WWOX: variants seen among roughly 807,000 people sequenced by gnomAD.
WWOX encodes WW domain containing oxidoreductase.
WWOX carries 69 observed loss-of-function variants against 46.2 expected under a neutral mutation model. The ratio of observed to expected loss-of-function variants is 1.49; its 90% CI spans 1.23 to 1.82. The LOEUF (loss-of-function observed/expected upper bound fraction) is 1.82, where lower values mean the gene tolerates loss of function less well. Ranked by LOEUF, WWOX falls within the 40% of genes most tolerant of loss-of-function variation. WWOX has a pLI of 0.00. For missense variants in WWOX, 919 were observed against 542.6 expected (o/e 1.69, Z -6.89); for synonymous variants, 359 against 202.6 (o/e 1.77, Z -6.56).
chr16:78,234,802 C>A (rs796772364), intron 5 of WWOX, among the ~76,000 whole-genome samples: 63 of 148,650 alleles, frequency 4.2e-4, no homozygotes, highest in African/African-American at 1.5e-3. Flanking sequence ...AAAAAAACAA[C>A]AAAAAAAAAC....
chr16:78,594,429 G>GCGCCCCCCC (rs2045429261), intron 8 of WWOX, among the ~76,000 whole-genome samples: 1 of 32,380 alleles, frequency 3.1e-5, no homozygotes. Flanking sequence ...CTGAGGAAAG[G>GCGCCCCCCC]CCCCCCCCCC....
intron 8 of WWOX, among the ~76,000 whole-genome samples, chr16:79,191,672 C>G (rs2051139546): frequency 6.6e-6 from 1 of 152,168 alleles, no homozygotes. Context: ...ACTAGAGAAG[C>G]ACCAAATAGG....
At position 78,130,299 on chromosome 16, in the gene WWOX, A is replaced by C. The variant is rs1324792587; in HGVS notation, c.409+15145A>C. 2.0e-5 allele frequency among the ~76,000 whole-genome samples: 3 copies of C among 152,150 alleles called. No individual in the cohort carries two copies. In the South Asian group the frequency reaches 6.2e-4, roughly 32 times the overall value. ...GTAAGATTTGTGCCCTGATGAGAAG[A>C]GGATAGAAAGGTAGCTAACTTTCCT... is the stretch of plus-strand genomic sequence containing the variant. On this transcript the variant is annotated intron_variant, in intron 4 of 8. Coordinates refer to ENST00000566780, the MANE Select transcript of WWOX (RefSeq NM_016373.4).
chr16:79,045,664 A>G (rs139343983), intron 8 of WWOX, among the ~76,000 whole-genome samples: 77 of 152,178 alleles, frequency 5.1e-4, no homozygotes, highest in Non-Finnish European at 9.7e-4. Flanking sequence ...TCTTGGCTCA[A>G]TCACTTACTA....
At chr16:78,102,263 A>G (rs2031848771) in intron 1 of WWOX, among the ~76,000 whole-genome samples, 1 of 152,014 alleles carries the variant, frequency 6.6e-6, no homozygotes, top group Admixed American at 6.6e-5. Flanking sequence ...AGGGCAGTCT[A>G]GGTAGAGGGA....
At chr16:78,662,292 A>T (rs370523099) in intron 8 of WWOX, among the ~76,000 whole-genome samples, 3 of 152,328 alleles carry the variant, frequency 2.0e-5, no homozygotes, top group Admixed American at 6.5e-5. Flanking sequence ...AGGCAAGGTC[A>T]CCAGGATTCA....
At chr16:78,618,634 A>T (rs376219192) in intron 8 of WWOX, among the ~76,000 whole-genome samples, 1 of 152,190 alleles carries the variant, frequency 6.6e-6, no homozygotes, top group Admixed American at 6.5e-5. Context: ...TCTGGGACAC[A>T]GTACGCTCTC....
At chr16:78,789,911 T>C (rs1030671784) in intron 8 of WWOX, among the ~76,000 whole-genome samples, 1 of 152,156 alleles carries the variant, frequency 6.6e-6, no homozygotes, top group African/African-American at 2.4e-5. Flanking sequence ...AAACTTAAAC[T>C]CCAATTCTGC....
At chr16:78,794,643 C>T (rs1017530044) in intron 8 of WWOX, among the ~76,000 whole-genome samples, 11 of 152,230 alleles carry the variant, frequency 7.2e-5, no homozygotes, top group African/African-American at 2.7e-4. Flanking sequence ...TGACACATAG[C>T]AAGACCTTGG....
In WWOX at chr16:78,788,652, C is replaced by G. The variant is rs953692124; in HGVS notation, c.1056+355900C>G. ...TTTCATCTCTGTCCTTAGTACTGTC[C>G]TTTATAATAAAGCAGTAAGGGGTAG... On this transcript the variant is annotated intron_variant, in intron 8 of 8. Transcript: ENST00000566780. 1.1e-4 allele frequency among the ~76,000 whole-genome samples: 16 copies of G among 152,348 alleles called. 1 individual carries two copies. The highest frequency in any genetic ancestry group is 9.1e-4 in the Admixed American group (14 of 15,308).
intron 8 of WWOX, among the ~76,000 whole-genome samples, chr16:78,827,024 G>A (rs975167772): frequency 6.6e-6 from 1 of 152,054 alleles, no homozygotes; most frequent in Non-Finnish European, 1.5e-5. Flanking sequence ...TCGCTTTCCT[G>A]CCCCCACATG....
At position 78,257,262 on chromosome 16, in the gene WWOX, G is replaced by A. The variant is rs114601482; in HGVS notation, c.516+92973G>A. ...CATGTATGTTTCTCTTATGTAGGAA[G>A]GGGAAATAAGGCCATGAGATTGCAT... is the stretch of plus-strand genomic sequence containing the variant. On this transcript the variant is annotated intron_variant, in intron 5 of 8. Transcript: ENST00000566780. Among the ~76,000 whole-genome samples, 726 of 152,262 alleles carry A rather than the reference G, an allele frequency of 4.8e-3. 6 individuals carry two copies. The highest frequency in any genetic ancestry group is 0.017 in the African/African-American group (693 of 41,546).
At chr16:78,422,684 T>TATATATATATACAG (rs1263877025) in intron 6 of WWOX, among the ~76,000 whole-genome samples, 1 of 52,970 alleles carries the variant, frequency 1.9e-5, no homozygotes, top group Non-Finnish European at 3.3e-5. Context: ...TATATATATA[T>TATATATATATACAG]ACACACACAC....
chr16:78,741,377 C>G (rs1186067652), intron 8 of WWOX, among the ~76,000 whole-genome samples: 1 of 150,924 alleles, frequency 6.6e-6, no homozygotes, highest in Admixed American at 6.6e-5. Context: ...CCGGGCCAAC[C>G]TGGTGAGATC....
At chr16:79,077,913 G>A (rs1396770643) in intron 8 of WWOX, 1 of 152,146 alleles carries the variant, frequency 6.6e-6, no homozygotes, top group Non-Finnish European at 1.5e-5. Context: ...GTGGACGCCT[G>A]TGGGGTTGGT....
chr16:78,473,717 A>G (rs1352233021), intron 8 of WWOX, among the ~76,000 whole-genome samples: 1 of 151,666 alleles, frequency 6.6e-6, no homozygotes, highest in Non-Finnish European at 1.5e-5. Flanking sequence ...TGTGTACCCT[A>G]CTCTTTACTC....
At chr16:78,657,310 C>A (rs933312757) in intron 8 of WWOX, among the ~76,000 whole-genome samples, 1 of 152,112 alleles carries the variant, frequency 6.6e-6, no homozygotes, top group Non-Finnish European at 1.5e-5. Flanking sequence ...CCTTAACCCA[C>A]AGATGGGAAG....
At chr16:79,116,568 T>A (rs2049519905) in intron 8 of WWOX, among the ~76,000 whole-genome samples, 1 of 152,188 alleles carries the variant, frequency 6.6e-6, no homozygotes, top group African/African-American at 2.4e-5. Flanking sequence ...AGTTTTCTCA[T>A]GAGATTGCAG....
In WWOX at chr16:78,923,860, C is replaced by T. The variant is rs189258903; in HGVS notation, c.1057-287748C>T. On this transcript the variant is annotated intron_variant, in intron 8 of 8. Transcript: ENST00000566780. Reference sequence around the variant, plus strand: ...TGTTGCCCAGGCTGGAGTGCAGTGGCGCGATCTCGGTTCACTGCAACCTCC... The same window carrying T: ...TGTTGCCCAGGCTGGAGTGCAGTGGTGCGATCTCGGTTCACTGCAACCTCC... Among the ~76,000 whole-genome samples the T allele has an allele frequency of 9.9e-3, 1,316 of 132,702 alleles. 22 individuals carry two copies. Among genetic ancestry groups the T allele is most frequent in the African/African-American group, 0.035 (1,221 of 34,420 alleles). The allele number at this position is 132,702 out of a possible 152,430, so 87.1% of individuals were successfully genotyped here. A position where few individuals can be genotyped will look rare whatever the true frequency, so the allele number is the denominator to read the frequency against.
Sources: gnomAD v4.1 joint callset for allele counts (sites outside exome capture counted in the v4.1 genomes callset) on GRCh38, gnomAD v4.1.1 for gene constraint, MANE v1.5 for transcripts, NCBI Gene and HGNC (gene_info 2026-07-23, HGNC 2026-07-21) for gene names.